GUF1: variants seen among roughly 807,000 people sequenced by gnomAD.
GUF1 encodes the protein GTP binding elongation factor GUF1, also known as translation factor GUF1, mitochondrial.
A neutral mutation model predicts 82.4 loss-of-function variants in GUF1; 78 were observed. The ratio of observed to expected loss-of-function variants is 0.95; its 90% CI spans 0.79 to 1.14. GUF1 has a LOEUF of 1.14. Ranked by LOEUF, GUF1 falls within the 50% of genes most tolerant of loss-of-function variation. The pLI, the probability that GUF1 is intolerant of heterozygous loss-of-function variation, is 0.00. For missense variants in GUF1, 814 were observed against 798.2 expected, an observed-to-expected ratio of 1.02 and a Z score of -0.24; for synonymous variants, 279 against 282.3, an observed-to-expected ratio of 0.99 and a Z score of 0.12.
In GUF1 at chr4:44,680,430, C is replaced by A. The variant is rs1285391099; in HGVS notation, c.166-11C>A. 4 of 1,358,978 alleles carry A rather than the reference C, an allele frequency of 2.9e-6. No homozygotes were observed. The South Asian group carries it at 3.7e-5, about 12-fold the overall frequency. The allele number at this position is 1,358,978 out of a possible 1,614,324, so 84.2% of individuals were successfully genotyped here. A position where few individuals can be genotyped will look rare whatever the true frequency, so the allele number is the denominator to read the frequency against. On this transcript the variant is annotated splice_polypyrimidine_tract_variant and intron_variant, in intron 1 of 16. Coordinates refer to ENST00000281543, the MANE Select transcript of GUF1 (RefSeq NM_021927.3). Reference sequence around the variant, plus strand: ...ATTTATACTCCTAAATGTGGTATTTCCCCTTTCTAGGAAAAACTTGACATG... The same window carrying A: ...ATTTATACTCCTAAATGTGGTATTTACCCTTTCTAGGAAAAACTTGACATG...
intron 8 of GUF1, among the ~76,000 whole-genome samples, 186 bp downstream of exon 8, chr4:44,686,899 A>C (rs1015198918): frequency 1.3e-5 from 2 of 151,956 alleles, no homozygotes; most frequent in Non-Finnish European, 2.9e-5. Flanking sequence ...GTCAGTTGAT[A>C]CTTTTTTTAT....
intron 4 of GUF1, among the ~76,000 whole-genome samples, chr4:44,681,855 ACTACCT>A (rs140887747): frequency 0.013 from 2,011 of 152,190 alleles, 43 homozygotes; most frequent in African/African-American, 0.046. Context: ...GCCTTTATAA[ACTACCT>A]TGATGACTGT....
intron 1 of GUF1, 109 bp from the exon 2 acceptor site, chr4:44,680,332 T>G: frequency 1.7e-6 from 1 of 575,970 alleles, no homozygotes; most frequent in Non-Finnish European, 3.1e-6. Flanking sequence ...ACAATATAAA[T>G]GCTAGAAATG....
rs1715291920 is a variant in GUF1 at position 44,689,589 on chromosome 4, AAAC to A, written c.1202+183_1202+185del. ...GTTTATATTAGTGTAAAGTGAACGA[AAAC>A]AATTTTTATCTGCCTGTTTCACGTT... On this transcript the variant is annotated intron_variant, in intron 10 of 16. Coordinates refer to ENST00000281543, the MANE Select transcript of GUF1 (RefSeq NM_021927.3). Among the ~76,000 whole-genome samples the A allele has an allele frequency of 2.0e-5, 3 of 151,854 alleles. No individual in the cohort carries two copies. In the South Asian group the frequency reaches 6.2e-4, roughly 31 times the overall value.
intron 7 of GUF1, 42 bp downstream of exon 7, chr4:44,686,065 T>C (rs1301992501): frequency 1.5e-6 from 2 of 1,343,980 alleles, no homozygotes; most frequent in Non-Finnish European, 2.1e-6. Context: ...CTCTATTTAA[T>C]AGTTCAAAAA....
intron 13 of GUF1, 48 bp downstream of exon 13, chr4:44,691,847 T>C: frequency 7.4e-7 from 1 of 1,345,768 alleles, no homozygotes; most frequent in Non-Finnish European, 1.0e-6. Flanking sequence ...TTTTTTGAAA[T>C]ATTGATGAGC....
chr4:44,692,116 A>G (rs1038900828), intron 13 of GUF1, among the ~76,000 whole-genome samples: 1 of 151,922 alleles, frequency 6.6e-6, no homozygotes, highest in African/African-American at 2.4e-5. Context: ...AAAATTTACC[A>G]TAACCTCAGT....
At chr4:44,687,908 G>C in intron 8 of GUF1, 99 bp from the exon 9 acceptor site, 1 of 1,053,574 alleles carries the variant, frequency 9.5e-7, no homozygotes, top group Non-Finnish European at 1.4e-6. Flanking sequence ...GGAAAGTTTG[G>C]AAAGTGTATG....
chr4:44,690,647 T>A lies in GUF1; in HGVS notation c.1336-70T>A, dbSNP rs531080704. On this transcript the variant is annotated intron_variant, in intron 11 of 16. Transcript: ENST00000281543. ...TTACAGCTGGAGGGATTTTAAAATA[T>A]AAGGCAAACAAGAAAAATGATAATC... 3.7e-5 allele frequency: 33 copies of A among 891,720 alleles called. No homozygotes were observed. The East Asian group carries it at 7.9e-4, about 21-fold the overall frequency. 55.2% of individuals were successfully genotyped at this position (891,720 alleles called of 1,614,324 possible). A position where few individuals can be genotyped will look rare whatever the true frequency, so the allele number is the denominator to read the frequency against.
At chr4:44,694,366 C>T in intron 13 of GUF1, 46 bp from the exon 14 acceptor site, 1 of 1,097,868 alleles carries the variant, frequency 9.1e-7, no homozygotes, top group Non-Finnish European at 1.4e-6. Flanking sequence ...TAAAGGTAAT[C>T]TCTCAGGAAG....
At chr4:44,680,905 G>A in intron 3 of GUF1, 63 bp downstream of exon 3, 3 of 1,393,996 alleles carry the variant, frequency 2.2e-6, no homozygotes, top group Non-Finnish European at 3.0e-6. Context: ...AGTGCAAACA[G>A]ATCCTTGTTT....
chr4:44,689,329 T>C lies in GUF1; in HGVS notation c.1122T>C (p.Ser374=). The C allele has an allele frequency of 6.2e-7, 1 of 1,610,098 alleles. No homozygotes were observed. The highest frequency in any genetic ancestry group is 2.2e-5 in the East Asian group (1 of 44,708). ...AATCTGAATATAACAATCTGAAGAG[T>C]GCTATAGAAAAACTGACTTTAAATG... ...LDQSEYNNLK[S]AIEKLTLNDS... is the part of the protein sequence containing the mutation. Residue 374 remains serine (S), a synonymous_variant, in exon 10 of 17, where the codon AGT becomes AGC. Coordinates refer to ENST00000281543, the MANE Select transcript of GUF1 (RefSeq NM_021927.3).
chr4:44,687,464 C>A (rs1419923992), intron 8 of GUF1, among the ~76,000 whole-genome samples: 1 of 151,626 alleles, frequency 6.6e-6, no homozygotes, highest in Admixed American at 6.6e-5. Context: ...ATTTAAGGTT[C>A]TTAAAGCTCA....
chr4:44,688,992 A>C, intron 9 of GUF1, among the ~76,000 whole-genome samples: 1 of 144,402 alleles, frequency 6.9e-6, no homozygotes, highest in African/African-American at 2.5e-5. Context: ...TGTTTTCTTA[A>C]TAGGCCTAAT....
At chr4:44,682,503 A>G in intron 5 of GUF1, 92 bp downstream of exon 5, 1 of 585,048 alleles carries the variant, frequency 1.7e-6, no homozygotes, top group Non-Finnish European at 2.9e-6. Context: ...TATATGAGGG[A>G]TCACCAGCTA....
At chr4:44,694,538 G>T in intron 14 of GUF1, 25 bp downstream of exon 14, 2 of 1,251,610 alleles carry the variant, frequency 1.6e-6, no homozygotes, top group South Asian at 1.3e-5. Context: ...AACTAATCAT[G>T]GAATGTGAAA....
At position 44,695,613 on chromosome 4, in the gene GUF1, A is replaced by G. The variant is rs775981183; in HGVS notation, c.1716-2A>G. 1.2e-6 allele frequency: 2 copies of G among 1,604,788 alleles called. No homozygotes were observed. Among genetic ancestry groups the G allele is most frequent in the South Asian group, 2.2e-5 (2 of 88,922 alleles). ...ATAAACAGTTGTATTTTTCTGTCTC[A>G]GAGACAAAGCTCATTCAATTGGCAA... On this transcript the variant is annotated splice_acceptor_variant, in intron 14 of 16. Coordinates refer to ENST00000281543, the MANE Select transcript of GUF1 (RefSeq NM_021927.3). LOFTEE classifies it high-confidence loss of function.
At chr4:44,689,495 TA>T (rs1282922266) in intron 10 of GUF1, 86 bp downstream of exon 10, 3 of 1,354,566 alleles carry the variant, frequency 2.2e-6, no homozygotes, top group Admixed American at 5.2e-5. Flanking sequence ...GGGAGGTTTT[TA>T]AAAAATATCT....
At chr4:44,698,448 G>A (rs1336162750) in intron 16 of GUF1, 96 bp from the exon 17 acceptor site, 2 of 864,530 alleles carry the variant, frequency 2.3e-6, no homozygotes, top group Non-Finnish European at 3.6e-6. Flanking sequence ...ATAATAATTT[G>A]GTATGGTTGT....
Sources: allele counts gnomAD v4.1 joint callset (sites outside exome capture counted in the v4.1 genomes callset), GRCh38; gene constraint gnomAD v4.1.1; transcripts MANE v1.5; gene names NCBI Gene and HGNC (gene_info 2026-07-23, HGNC 2026-07-21).